NEGR1: variants seen among roughly 807,000 people sequenced by gnomAD.
NEGR1 encodes neuronal growth regulator 1.
A neutral mutation model predicts 40.9 loss-of-function variants in NEGR1; 10 were observed. The ratio of observed to expected loss-of-function variants is 0.24; its 90% CI spans 0.15 to 0.42. NEGR1 has a LOEUF of 0.42. Among genes scored for constraint, NEGR1 ranks in the 10% least tolerant of loss-of-function variants. The pLI is 1.00. For missense variants in NEGR1, 352 were observed against 438.9 expected (o/e 0.80, Z 1.77); for synonymous variants, 185 against 166.8 (o/e 1.11, Z -0.84).
At chr1:71,414,789 C>A (rs1321754434) in intron 6 of NEGR1, among the ~76,000 whole-genome samples, 1 of 152,066 alleles carries the variant, frequency 6.6e-6, no homozygotes, top group Non-Finnish European at 1.5e-5. Context: ...TGGTAGGGAC[C>A]AATGTAGAGA....
intron 4 of NEGR1, among the ~76,000 whole-genome samples, chr1:71,672,526 A>G (rs898306830): frequency 7.2e-5 from 11 of 152,218 alleles, no homozygotes; most frequent in African/African-American, 2.2e-4. Flanking sequence ...TGTTAAATCA[A>G]TCAATAAATG....
chr1:72,076,728 A>G (rs924182051), intron 1 of NEGR1, among the ~76,000 whole-genome samples: 7 of 152,036 alleles, frequency 4.6e-5, no homozygotes, highest in African/African-American at 7.2e-5. Context: ...GCACACGCGC[A>G]CACACACACA....
At chr1:72,009,383 T>A (rs1049453856) in intron 1 of NEGR1, among the ~76,000 whole-genome samples, 19 of 152,246 alleles carry the variant, frequency 1.2e-4, no homozygotes, top group African/African-American at 4.6e-4. Context: ...TATGGAAACT[T>A]ACGCAATATT....
At chr1:71,951,125 G>A (rs1025715847) in intron 1 of NEGR1, among the ~76,000 whole-genome samples, 2 of 151,918 alleles carry the variant, frequency 1.3e-5, no homozygotes, top group Non-Finnish European at 2.9e-5. Context: ...TGGCATTTAG[G>A]AAAATGAATG....
intron 4 of NEGR1, among the ~76,000 whole-genome samples, chr1:71,667,892 A>G (rs6663352): frequency 0.98 from 149,720 of 152,268 alleles, 73,648 homozygotes; most frequent in Middle Eastern, 1. Flanking sequence ...TTACAAAAAT[A>G]TTTTGCATGA....
intron 1 of NEGR1, among the ~76,000 whole-genome samples, chr1:72,209,987 C>T (rs1653540609): frequency 6.6e-6 from 1 of 151,800 alleles, no homozygotes; most frequent in South Asian, 2.1e-4. Flanking sequence ...ATTTTTTAGA[C>T]TCATTATTCA....
At chr1:71,863,252 G>A (rs943994973) in intron 2 of NEGR1, among the ~76,000 whole-genome samples, 1 of 152,134 alleles carries the variant, frequency 6.6e-6, no homozygotes, top group Non-Finnish European at 1.5e-5. Context: ...TATACACCAT[G>A]GAATACTATG....
At chr1:72,064,394 T>G (rs1647227665) in intron 1 of NEGR1, among the ~76,000 whole-genome samples, 1 of 152,014 alleles carries the variant, frequency 6.6e-6, no homozygotes, top group South Asian at 2.1e-4. Flanking sequence ...CTCTGCAGCT[T>G]TGTTAGTGCA....
At chr1:71,998,564 A>G (rs1570593191) in intron 1 of NEGR1, among the ~76,000 whole-genome samples, 1 of 151,780 alleles carries the variant, frequency 6.6e-6, no homozygotes, top group Non-Finnish European at 1.5e-5. Context: ...TCCTTCTTAT[A>G]ATGTGTTCCT....
chr1:71,547,491 T>C (rs923612898), intron 6 of NEGR1, among the ~76,000 whole-genome samples: 12 of 151,706 alleles, frequency 7.9e-5, no homozygotes, highest in Admixed American at 7.9e-4. Context: ...ACTCACAACA[T>C]TGCAGCTTTA....
rs956322791 is a variant in NEGR1 at position 72,105,417 on chromosome 1, G to A, written c.177-170106C>T. 2.0e-5 allele frequency among the ~76,000 whole-genome samples: 3 copies of A among 152,138 alleles called. No individual in the cohort carries two copies. In the South Asian group the frequency reaches 6.2e-4, roughly 32 times the overall value. On this transcript the variant is annotated intron_variant, in intron 1 of 6. Transcript: ENST00000357731. ...TTATTAAAAATGTCTTGAGGGCTCA[G>A]TGTTTGAGTGTGCTGGCTCAAGCCT...
At chr1:71,903,687 CAT>C (rs1661200293) in intron 2 of NEGR1, among the ~76,000 whole-genome samples, 1 of 151,856 alleles carries the variant, frequency 6.6e-6, no homozygotes, top group Admixed American at 6.6e-5. Context: ...CATACATATA[CAT>C]ATGTCTGTTG....
intron 3 of NEGR1, among the ~76,000 whole-genome samples, chr1:71,736,266 G>A (rs1051451701): frequency 2.0e-5 from 3 of 152,152 alleles, no homozygotes; most frequent in Admixed American, 2.0e-4. Flanking sequence ...TGTTGAAAAT[G>A]TTTTGATGAA....
intron 3 of NEGR1, among the ~76,000 whole-genome samples, chr1:71,739,210 A>C (rs577389714): frequency 2.0e-3 from 294 of 150,144 alleles, no homozygotes; most frequent in African/African-American, 6.6e-3. Flanking sequence ...AAAAAAAAAA[A>C]AAAAAAACAA....
chr1:71,985,107 C>T (rs1213999894), intron 1 of NEGR1, among the ~76,000 whole-genome samples: 1 of 152,140 alleles, frequency 6.6e-6, no homozygotes, highest in Non-Finnish European at 1.5e-5. Context: ...GATATGGGAT[C>T]TTATCCTCTA....
intron 1 of NEGR1, among the ~76,000 whole-genome samples, chr1:71,979,183 A>G (rs547359064): frequency 2.0e-5 from 3 of 152,226 alleles, no homozygotes; most frequent in African/African-American, 7.2e-5. Context: ...AAAGAGGGGA[A>G]CAACAGACCC....
At chr1:72,275,436 C>A (rs1656014676) in intron 1 of NEGR1, among the ~76,000 whole-genome samples, 1 of 151,858 alleles carries the variant, frequency 6.6e-6, no homozygotes, top group Non-Finnish European at 1.5e-5. Flanking sequence ...TTTAACATTT[C>A]CTTTAGAAAA....
At chr1:72,077,655 A>AATAAATAT (rs1198362639) in intron 1 of NEGR1, among the ~76,000 whole-genome samples, 8 of 150,890 alleles carry the variant, frequency 5.3e-5, no homozygotes, top group South Asian at 2.1e-4. Flanking sequence ...TAAATAAATA[A>AATAAATAT]ATAAATAAAT....
intron 1 of NEGR1, among the ~76,000 whole-genome samples, chr1:71,987,360 G>T (rs1360974613): frequency 6.6e-6 from 1 of 152,212 alleles, no homozygotes; most frequent in Non-Finnish European, 1.5e-5. Flanking sequence ...ACAGGCGGGA[G>T]ATAGAGAGAA....
Sources: allele counts gnomAD v4.1 joint callset (sites outside exome capture counted in the v4.1 genomes callset), GRCh38; gene constraint gnomAD v4.1.1; transcripts MANE v1.5; gene names NCBI Gene and HGNC (gene_info 2026-07-23, HGNC 2026-07-21).